UXS1: variants seen among roughly 807,000 people sequenced by gnomAD.
The protein encoded by UXS1 is UDP-glucuronic acid decarboxylase 1.
UXS1 carries 33 observed loss-of-function variants against 62.6 expected under a neutral mutation model. That is an observed-to-expected ratio of 0.53 (90% confidence interval 0.40 to 0.70). UXS1 has a LOEUF of 0.70. Ranked by LOEUF, UXS1 falls within the 30% of genes least tolerant of loss-of-function variation. The pLI, the probability that UXS1 is intolerant of heterozygous loss-of-function variation, is 0.00. For missense variants in UXS1, 434 were observed against 556.3 expected (o/e 0.78, Z 2.21); for synonymous variants, 213 against 206.8 (o/e 1.03, Z -0.26).
intron 7 of UXS1, among the ~76,000 whole-genome samples, chr2:106,126,028 G>C (rs986079495): frequency 2.6e-5 from 4 of 152,058 alleles, no homozygotes; most frequent in African/African-American, 9.7e-5. Flanking sequence ...TTGGCAGAAG[G>C]CAAGGCCCTT....
intron 6 of UXS1, among the ~76,000 whole-genome samples, chr2:106,140,187 C>A (rs1680983753): frequency 6.6e-6 from 1 of 152,188 alleles, no homozygotes; most frequent in African/African-American, 2.4e-5. Flanking sequence ...TGGCTCAGCC[C>A]CCGGGAGCTG....
intron 6 of UXS1, among the ~76,000 whole-genome samples, chr2:106,136,358 T>G (rs1251487003): frequency 6.7e-6 from 1 of 148,904 alleles, no homozygotes; most frequent in African/African-American, 2.5e-5. Context: ...GTGTGGCGAT[T>G]CCTCAGGGAT....
intron 9 of UXS1, 123 bp downstream of exon 9, chr2:106,122,847 A>G: frequency 7.6e-7 from 1 of 1,312,970 alleles, no homozygotes; most frequent in Non-Finnish European, 1.0e-6. Context: ...TGGGAAACTG[A>G]GCTTCCCAAA....
chr2:106,179,397 A>C (rs918477761), intron 1 of UXS1: 1 of 152,630 alleles, frequency 6.6e-6, no homozygotes, highest in Non-Finnish European at 1.5e-5. Context: ...CCCCTCTCAG[A>C]TGCCCGCCCA....
chr2:106,125,231 C>T (rs1679834293), intron 8 of UXS1, among the ~76,000 whole-genome samples: 1 of 152,200 alleles, frequency 6.6e-6, no homozygotes, highest in Non-Finnish European at 1.5e-5. Flanking sequence ...AAAGGCCAGC[C>T]CATGAGCTCT....
chr2:106,180,483 A>G (rs1001394455), intron 1 of UXS1, among the ~76,000 whole-genome samples: 3 of 152,216 alleles, frequency 2.0e-5, no homozygotes, highest in African/African-American at 2.4e-5. Flanking sequence ...AAGCTCTGCA[A>G]TAAGTATTTC....
At position 106,112,647 on chromosome 2, in the gene UXS1, G is replaced by A. The variant is rs750633018; in HGVS notation, c.878C>T (p.Thr293Met). The change falls in exon 10 of 15, where the codon ACG becomes ATG. Residue 293 changes from threonine (T) to methionine (M), a missense_variant and splice_region_variant. Thr to Met is a moderately conservative substitution (Grantham distance 81). Coordinates refer to ENST00000283148, the MANE Select transcript of UXS1 (RefSeq NM_001253875.2). ...ILQALQGEPL[T>M]VYGSGSQTRA... is the part of the protein sequence containing the mutation. ...CCCTGAGCCGAGGCCAGCACCTACCGTGAGTGGCTCCCCCTGGAGCGCCTG... is the reference window on the plus strand; with the variant it reads ...CCCTGAGCCGAGGCCAGCACCTACCATGAGTGGCTCCCCCTGGAGCGCCTG... 1.1e-5 allele frequency: 17 copies of A among 1,613,846 alleles called. No homozygotes were observed. Among genetic ancestry groups the A allele is most frequent in the South Asian group, 5.5e-5 (5 of 91,030 alleles).
chr2:106,126,354 C>G (rs1679948695), intron 7 of UXS1, among the ~76,000 whole-genome samples: 2 of 151,580 alleles, frequency 1.3e-5, no homozygotes, highest in Admixed American at 1.3e-4. Flanking sequence ...TCCAAGAACC[C>G]CCCTGACCGT....
chr2:106,142,190 T>G (rs762028185), intron 6 of UXS1, among the ~76,000 whole-genome samples: 3 of 152,220 alleles, frequency 2.0e-5, no homozygotes, highest in Non-Finnish European at 2.9e-5. Flanking sequence ...CAACAGTTTA[T>G]AGAAAGATTA....
intron 7 of UXS1, among the ~76,000 whole-genome samples, chr2:106,126,943 C>A (rs1452012062): frequency 1.3e-5 from 2 of 152,150 alleles, no homozygotes; most frequent in African/African-American, 4.8e-5. Context: ...CAACCACTAA[C>A]CAATTCTCCA....
At chr2:106,104,758 C>CACTGT in intron 11 of UXS1, 36 bp downstream of exon 11, 2 of 1,613,816 alleles carry the variant, frequency 1.2e-6, no homozygotes, top group Non-Finnish European at 1.7e-6. Context: ...TGCTCCAAAG[C>CACTGT]ACTGCTAAGG....
At chr2:106,175,001 T>C (rs143250168) in intron 1 of UXS1, among the ~76,000 whole-genome samples, 2,399 of 152,152 alleles carry the variant, frequency 0.016, 26 homozygotes, top group Admixed American at 0.027. Context: ...TAATCCCCCA[T>C]CCTCAATGCC....
At chr2:106,173,344 G>A (rs1683680954) in intron 1 of UXS1, among the ~76,000 whole-genome samples, 2 of 152,298 alleles carry the variant, frequency 1.3e-5, no homozygotes, top group South Asian at 4.1e-4. Flanking sequence ...CTTTAGCCCA[G>A]GAGTTTGAGA....
intron 10 of UXS1, among the ~76,000 whole-genome samples, chr2:106,110,302 G>C (rs956299593): frequency 2.6e-5 from 4 of 152,122 alleles, no homozygotes; most frequent in Non-Finnish European, 5.9e-5. Context: ...AAGCTTGCTC[G>C]GTGTGAAGAC....
rs1676854263 is a variant in UXS1 at position 106,093,809 on chromosome 2, A to G, written c.*217T>C. ...CAGAGATGCATCTACGCTATTTTAC[A>G]TAAAAAGAGAGATTCAAAAAGTGCA... is the stretch of plus-strand genomic sequence containing the variant. On this transcript the variant is annotated 3_prime_UTR_variant, in exon 15 of 15. Coordinates refer to ENST00000283148, the MANE Select transcript of UXS1 (RefSeq NM_001253875.2). 7.4e-6 allele frequency: 4 copies of G among 540,872 alleles called. No homozygotes were observed. Among genetic ancestry groups the G allele is most frequent in the South Asian group, 4.0e-5 (1 of 24,994 alleles). The allele number at this position is 540,872 out of a possible 1,614,324, so 33.5% of individuals were successfully genotyped here.
chr2:106,178,564 GTGTGTA>G (rs1684042177), intron 1 of UXS1, among the ~76,000 whole-genome samples: 2 of 151,198 alleles, frequency 1.3e-5, no homozygotes, highest in South Asian at 2.1e-4. Context: ...GTGGGTGTGT[GTGTGTA>G]TATATATATG....
At chr2:106,177,164 C>A (rs991634455) in intron 1 of UXS1, among the ~76,000 whole-genome samples, 1 of 148,402 alleles carries the variant, frequency 6.7e-6, no homozygotes, top group Non-Finnish European at 1.5e-5. Context: ...AATGTTTTTG[C>A]TTTTTAAAGC....
intron 10 of UXS1, among the ~76,000 whole-genome samples, chr2:106,105,438 C>G (rs903597484): frequency 2.6e-5 from 4 of 152,146 alleles, no homozygotes; most frequent in South Asian, 2.1e-4. Flanking sequence ...TGCACATTTG[C>G]TCCACACTTC....
intron 1 of UXS1, among the ~76,000 whole-genome samples, chr2:106,181,840 G>A (rs1407459895): frequency 6.6e-6 from 1 of 152,184 alleles, no homozygotes. Flanking sequence ...TGCTAACGCT[G>A]GGATCCAACG....
Sources: gnomAD v4.1 joint callset for allele counts (sites outside exome capture counted in the v4.1 genomes callset) on GRCh38, gnomAD v4.1.1 for gene constraint, MANE v1.5 for transcripts, NCBI Gene and HGNC (gene_info 2026-07-23, HGNC 2026-07-21) for gene names.